Variants in PTPRD observed in about 807,000 individuals in gnomAD.
The protein encoded by PTPRD is receptor-type tyrosine-protein phosphatase delta.
Under a neutral mutation model 214.5 loss-of-function variants are expected in PTPRD, and 34 were observed. The ratio of observed to expected loss-of-function variants is 0.16; its 90% confidence interval spans 0.12 to 0.21. The LOEUF is 0.21. Among genes scored for constraint, PTPRD ranks in the 10% least tolerant of loss-of-function variants. The pLI is 1.00. For synonymous variants in PTPRD, 1,128 were observed against 845.7 expected, an observed-to-expected ratio of 1.33 and a Z score of -5.79; for missense variants, 2,545 against 2,398.7, an observed-to-expected ratio of 1.06 and a Z score of -1.27.
chr9:9,166,627 T>C (rs569268658), intron 10 of PTPRD, among the ~76,000 whole-genome samples: 2 of 152,318 alleles, frequency 1.3e-5, no homozygotes, highest in Admixed American at 6.5e-5. Flanking sequence ...TTAGCCAGTT[T>C]CTTGCTTGTA....
chr9:8,828,334 T>G, intron 11 of PTPRD, among the ~76,000 whole-genome samples: 1 of 152,186 alleles, frequency 6.6e-6, no homozygotes, highest in Admixed American at 6.5e-5. Context: ...GTGGATCCCT[T>G]GTGAACAGGA....
intron 9 of PTPRD, among the ~76,000 whole-genome samples, chr9:9,352,092 C>A (rs1286297474): frequency 6.6e-6 from 1 of 151,838 alleles, no homozygotes; most frequent in African/African-American, 2.4e-5. Flanking sequence ...ACAGGAATCC[C>A]AGCCTCTGCA....
intron 7 of PTPRD, among the ~76,000 whole-genome samples, chr9:9,662,990 G>T (rs2096649105): frequency 1.3e-5 from 2 of 151,500 alleles, no homozygotes; most frequent in Non-Finnish European, 3.0e-5. Context: ...TTATGCATAA[G>T]TTTATTTAAA....
chr9:10,428,722 G>A (rs1280202600), intron 2 of PTPRD, among the ~76,000 whole-genome samples: 1 of 152,020 alleles, frequency 6.6e-6, no homozygotes, highest in African/African-American at 2.4e-5. Flanking sequence ...AAAATCTATG[G>A]AATATTCTAT....
At chr9:9,569,210 G>C (rs1027172635) in intron 8 of PTPRD, among the ~76,000 whole-genome samples, 1 of 151,388 alleles carries the variant, frequency 6.6e-6, no homozygotes, top group Non-Finnish European at 1.5e-5. Context: ...AGTCATTTGC[G>C]AATGTTATAA....
At position 9,833,296 on chromosome 9, in the gene PTPRD, A is replaced by C. The variant is rs376512474; in HGVS notation, c.-367-66445T>G. On this transcript the variant is annotated intron_variant, in intron 5 of 45. Coordinates refer to ENST00000381196, the MANE Select transcript of PTPRD (RefSeq NM_002839.4). ...GCTGGGCATCCGGGGGAAACATCAT[A>C]CATTGGTAGGATCCGTGATGCCCCA... Among the ~76,000 whole-genome samples the C allele has an allele frequency of 8.5e-5, 13 of 152,152 alleles. No individual in the cohort carries two copies. The South Asian group carries it at 1.7e-3, about 19-fold the overall frequency.
intron 2 of PTPRD, among the ~76,000 whole-genome samples, chr9:10,583,015 T>C (rs1285866544): frequency 1.3e-5 from 2 of 152,196 alleles, no homozygotes; most frequent in Non-Finnish European, 2.9e-5. Context: ...GGCTAATCTA[T>C]AATTCAGTCC....
At chr9:10,472,491 A>T (rs2099037367) in intron 2 of PTPRD, among the ~76,000 whole-genome samples, 2 of 149,528 alleles carry the variant, frequency 1.3e-5, no homozygotes, top group Non-Finnish European at 2.9e-5. Context: ...AGGTTGGAGT[A>T]GTTGGGGACT....
At chr9:10,125,427 TTATTATTA>T (rs1563972145) in intron 3 of PTPRD, among the ~76,000 whole-genome samples, 4 of 60,756 alleles carry the variant, frequency 6.6e-5, no homozygotes, top group Admixed American at 2.0e-4. Context: ...TTTTATTTTA[TTATTATTA>T]TTATTATTAT....
chr9:9,381,800 G>T (rs1175025488), intron 9 of PTPRD, among the ~76,000 whole-genome samples: 1 of 151,274 alleles, frequency 6.6e-6, no homozygotes, highest in East Asian at 1.9e-4. Context: ...TTGAAATCAA[G>T]AAGTGGGATC....
chr9:10,216,592 A>C (rs1410759643), intron 3 of PTPRD, among the ~76,000 whole-genome samples: 1 of 152,016 alleles, frequency 6.6e-6, no homozygotes, highest in Non-Finnish European at 1.5e-5. Context: ...TTAAGAGAAT[A>C]CTAAAAATGC....
At chr9:10,055,083 C>A (rs921439372) in intron 3 of PTPRD, among the ~76,000 whole-genome samples, 1 of 152,112 alleles carries the variant, frequency 6.6e-6, no homozygotes, top group East Asian at 1.9e-4. Flanking sequence ...TGGCCCTCTG[C>A]AAGTTGAAGA....
At chr9:10,546,147 C>G (rs1422213269) in intron 2 of PTPRD, among the ~76,000 whole-genome samples, 1 of 151,952 alleles carries the variant, frequency 6.6e-6, no homozygotes, top group Non-Finnish European at 1.5e-5. Context: ...TAGTATTGGC[C>G]TGTGAGTAAA....
At chr9:10,138,063 G>C (rs1005431461) in intron 3 of PTPRD, among the ~76,000 whole-genome samples, 2 of 152,040 alleles carry the variant, frequency 1.3e-5, no homozygotes, top group South Asian at 4.2e-4. Context: ...GAAGAAAATT[G>C]ATATGCAAAA....
Position 10,562,902 on chromosome 9 carries a change from CCA to C in PTPRD, c.-600+49494_-600+49495del, listed in dbSNP as rs577025818. On this transcript the variant is annotated intron_variant, in intron 2 of 45. Coordinates refer to ENST00000381196, the MANE Select transcript of PTPRD (RefSeq NM_002839.4). Reference sequence around the variant, plus strand: ...ATGATTTGTAGAAAAAAAGCAAAAGCCATATATAGATACCCAGCCATGATTGT... The same window carrying C: ...ATGATTTGTAGAAAAAAAGCAAAAGCTATATAGATACCCAGCCATGATTGT... 2.2e-3 allele frequency among the ~76,000 whole-genome samples: 334 copies of C among 152,022 alleles called. 2 individuals are homozygous for C. Among genetic ancestry groups the C allele is most frequent in the African/African-American group, 7.5e-3 (311 of 41,478 alleles).
At chr9:10,529,891 C>T (rs920966753) in intron 2 of PTPRD, among the ~76,000 whole-genome samples, 3 of 151,446 alleles carry the variant, frequency 2.0e-5, no homozygotes, top group African/African-American at 2.4e-5. Context: ...ACATCACACA[C>T]TGGGGCCTGT....
At chr9:8,611,736 A>T (rs1267877976) in intron 14 of PTPRD, among the ~76,000 whole-genome samples, 2 of 144,816 alleles carry the variant, frequency 1.4e-5, no homozygotes, top group African/African-American at 5.5e-5. Flanking sequence ...CAAAAGAAAA[A>T]AGAAAAGAAA....
At chr9:10,291,390 G>A (rs1463300358) in intron 3 of PTPRD, among the ~76,000 whole-genome samples, 1 of 152,078 alleles carries the variant, frequency 6.6e-6, no homozygotes, top group Non-Finnish European at 1.5e-5. Context: ...TTGCCTTATA[G>A]GGCAAAAGAA....
intron 2 of PTPRD, among the ~76,000 whole-genome samples, chr9:10,493,587 C>A (rs1438082225): frequency 1.3e-5 from 2 of 151,988 alleles, no homozygotes; most frequent in Non-Finnish European, 2.9e-5. Flanking sequence ...ACACCTTATA[C>A]AAAAATTAAT....
Sources: gnomAD v4.1 joint callset for allele counts (sites outside exome capture counted in the v4.1 genomes callset) on GRCh38, gnomAD v4.1.1 for gene constraint, MANE v1.5 for transcripts, NCBI Gene and HGNC (gene_info 2026-07-23, HGNC 2026-07-21) for gene names.